SLF1: variants seen among roughly 807,000 people sequenced by gnomAD.
SLF1 encodes the protein SMC5/6 complex localization factor 1, also known as SMC5-SMC6 complex localization factor protein 1.
SLF1 carries 105 observed loss-of-function variants against 123.0 expected under a neutral mutation model. The ratio of observed to expected loss-of-function variants is 0.85; its 90% CI spans 0.73 to 1.00. The LOEUF (loss-of-function observed/expected upper bound fraction) is 1.00. Among genes scored for constraint, SLF1 ranks in the 50% least tolerant of loss-of-function variants. The pLI is 0.00. For synonymous variants in SLF1, 434 were observed against 406.6 expected (o/e 1.07, Z -0.81); for missense variants, 1,239 against 1,223.0 (o/e 1.01, Z -0.20).
intron 4 of SLF1, among the ~76,000 whole-genome samples, chr5:94,633,031 C>T (rs1422790614): frequency 6.6e-6 from 1 of 151,754 alleles, no homozygotes; most frequent in Non-Finnish European, 1.5e-5. Flanking sequence ...GCTCTTGTTG[C>T]CCCGGCTGGA....
chr5:94,633,138 C>G (rs922475788), intron 4 of SLF1, among the ~76,000 whole-genome samples: 1 of 152,034 alleles, frequency 6.6e-6, no homozygotes, highest in African/African-American at 2.4e-5. Flanking sequence ...CAGGCATATG[C>G]CATCACACCC....
chr5:94,672,175 A>T (rs1334174485), intron 14 of SLF1, among the ~76,000 whole-genome samples: 1 of 152,068 alleles, frequency 6.6e-6, no homozygotes, highest in Non-Finnish European at 1.5e-5. Context: ...TTCATAACTG[A>T]TATATCATGA....
intron 1 of SLF1, among the ~76,000 whole-genome samples, chr5:94,621,560 A>G (rs1791788806): frequency 6.6e-6 from 1 of 152,330 alleles, no homozygotes; most frequent in South Asian, 2.1e-4. Context: ...GCTAACCGAT[A>G]TCTACTGTCC....
At chr5:94,693,530 A>G (rs1003325251) in intron 20 of SLF1, among the ~76,000 whole-genome samples, 1 of 151,900 alleles carries the variant, frequency 6.6e-6, no homozygotes, top group Non-Finnish European at 1.5e-5. Flanking sequence ...GAGGAAATCT[A>G]ATTGTTTTTG....
rs780877369 is a variant in SLF1 at position 94,695,287 on chromosome 5, G to A, written c.3152G>A (p.Cys1051Tyr). The A allele has an allele frequency of 1.1e-5, 18 of 1,610,366 alleles. No individual in the cohort carries two copies. In the South Asian group the frequency reaches 1.5e-4, roughly 14 times the overall value. Reference protein sequence around the residue: ...EALMITLEMMCRSVMEFS With the variant: ...EALMITLEMMYRSVMEFS ...TTGATGATAACATTGGAAATGATGT[G>A]TCGGTCAGTCATGGAGTTTTCATGA... The change falls in exon 21 of 21, where the codon TGT becomes TAT. Residue 1051 changes from cysteine (C) to tyrosine (Y), a missense_variant. Coordinates refer to ENST00000265140, the MANE Select transcript of SLF1 (RefSeq NM_032290.4).
intron 4 of SLF1, among the ~76,000 whole-genome samples, chr5:94,635,702 C>T (rs946013023): frequency 1.6e-4 from 25 of 152,062 alleles, no homozygotes; most frequent in African/African-American, 5.5e-4. Context: ...TACACATTTA[C>T]TCTCCCCCAT....
At chr5:94,661,248 T>A (rs1025436758) in intron 9 of SLF1, among the ~76,000 whole-genome samples, 1 of 152,176 alleles carries the variant, frequency 6.6e-6, no homozygotes, top group Non-Finnish European at 1.5e-5. Flanking sequence ...ATTGCAGGAA[T>A]TCATGGTGGG....
chr5:94,663,967 T>A (rs1749440117), intron 11 of SLF1, 59 bp downstream of exon 11: 16 of 1,402,336 alleles, frequency 1.1e-5, no homozygotes, highest in Non-Finnish European at 1.4e-5. Context: ...AATGTGAACA[T>A]TTTCTCACTT....
In SLF1 at chr5:94,689,455, T is replaced by G; in HGVS notation, c.2286-18T>G. 6.3e-7 allele frequency: 1 copy of G among 1,599,694 alleles called. No homozygotes were observed. Among genetic ancestry groups the G allele is most frequent in the Non-Finnish European group, 8.5e-7 (1 of 1,175,304 alleles). On this transcript the variant is annotated intron_variant, in intron 17 of 20. Transcript: ENST00000265140. ...TGCTGAAAAACAAGCTTTCATTATT[T>G]CTTACTTTTCCTTTCAGAGACCTGA... is the stretch of plus-strand genomic sequence containing the variant.
chr5:94,692,172 A>G lies in SLF1; in HGVS notation c.2611A>G (p.Thr871Ala), dbSNP rs757229127. 1.9e-6 allele frequency: 3 copies of G among 1,613,904 alleles called. No individual in the cohort carries two copies. Among genetic ancestry groups the G allele is most frequent in the South Asian group, 2.2e-5 (2 of 91,078 alleles). The part of the protein sequence containing the change: ...LQRCPEVDLL[T>A]QVDGVTPLHD... Reference sequence around the variant, plus strand: ...ACGTTGTCCAGAGGTAGATCTGCTCACTCAAGTGGACGGGGTGACTCCTTT... The same window carrying G: ...ACGTTGTCCAGAGGTAGATCTGCTCGCTCAAGTGGACGGGGTGACTCCTTT... The change falls in exon 20 of 21, where the codon ACT becomes GCT. Residue 871 changes from threonine (T) to alanine (A), a missense_variant. Coordinates refer to ENST00000265140, the MANE Select transcript of SLF1 (RefSeq NM_032290.4).
chr5:94,681,553 A>T (rs955243530), intron 15 of SLF1, among the ~76,000 whole-genome samples: 1 of 152,140 alleles, frequency 6.6e-6, no homozygotes, highest in Non-Finnish European at 1.5e-5. Context: ...ATGTGCAGGT[A>T]AGTTACATAT....
intron 11 of SLF1, among the ~76,000 whole-genome samples, chr5:94,664,214 T>C (rs1289437789): frequency 1.3e-5 from 2 of 152,230 alleles, no homozygotes; most frequent in African/African-American, 4.8e-5. Context: ...TATGGTGATC[T>C]AGAATTACAT....
chr5:94,673,713 AAAT>A (rs370741622), intron 14 of SLF1, among the ~76,000 whole-genome samples: 10,286 of 150,120 alleles, frequency 0.069, 387 homozygotes, highest in South Asian at 0.095. Context: ...AAAAAAAAAA[AAAT>A]TCATCTGAAT....
chr5:94,676,529 T>G (rs913292070), intron 14 of SLF1, among the ~76,000 whole-genome samples: 2 of 152,210 alleles, frequency 1.3e-5, no homozygotes, highest in Admixed American at 6.5e-5. Flanking sequence ...AAGACTCACC[T>G]GCTAGGATCT....
intron 1 of SLF1, among the ~76,000 whole-genome samples, chr5:94,620,862 C>T (rs1011567523): frequency 2.6e-5 from 4 of 152,098 alleles, no homozygotes; most frequent in African/African-American, 9.7e-5. Context: ...ATCAAAATTA[C>T]TTTGAAATTT....
At chr5:94,676,606 A>T (rs1002717420) in intron 14 of SLF1, among the ~76,000 whole-genome samples, 1 of 152,204 alleles carries the variant, frequency 6.6e-6, no homozygotes, top group African/African-American at 2.4e-5. Context: ...TGCAGCTTTT[A>T]AAAATCTCCT....
chr5:94,688,555 G>T lies in SLF1; in HGVS notation c.2171G>T (p.Gly724Val). ...ALGKTGVLGS[G>V]KIQVSKKIGQ... The stretch of plus-strand genomic sequence containing the variant: ...GGGAAAACTGGTGTGCTTGGGTCTG[G>T]AAAGATTCAGGTGTCAAAGAAAATA... The change falls in exon 17 of 21, where the codon GGA becomes GTA. Residue 724 changes from glycine to valine, a missense_variant. By Grantham distance (109) the Gly-to-Val change is moderately radical. Transcript: ENST00000265140. 6.2e-7 allele frequency: 1 copy of T among 1,614,028 alleles called. No homozygotes were observed. The highest frequency in any genetic ancestry group is 8.5e-7 in the Non-Finnish European group (1 of 1,179,972).
intron 15 of SLF1, among the ~76,000 whole-genome samples, chr5:94,686,369 G>A (rs1418782365): frequency 2.0e-5 from 3 of 152,000 alleles, no homozygotes; most frequent in East Asian, 1.9e-4. Context: ...TTTCAAGTGT[G>A]AGAACATGTG....
intron 8 of SLF1, among the ~76,000 whole-genome samples, chr5:94,653,714 A>T (rs2152480361): frequency 6.6e-6 from 1 of 152,356 alleles, no homozygotes; most frequent in African/African-American, 2.4e-5. Context: ...AAAATCTTTA[A>T]AACTACATGT....
Sources: allele counts gnomAD v4.1 joint callset (sites outside exome capture counted in the v4.1 genomes callset), GRCh38; gene constraint gnomAD v4.1.1; transcripts MANE v1.5; gene names NCBI Gene and HGNC (gene_info 2026-07-23, HGNC 2026-07-21).